Variants in PIEZO2 observed in about 807,000 individuals in gnomAD.
PIEZO2 encodes piezo-type mechanosensitive ion channel component 2.
A neutral mutation model predicts 337.3 loss-of-function variants in PIEZO2; 172 were observed. The observed-to-expected ratio is 0.51, with a 90% CI of 0.45 to 0.58. The LOEUF (loss-of-function observed/expected upper bound fraction) is 0.58. PIEZO2 is among the 20% of genes least tolerant of loss of function. The pLI is 0.00. For missense variants in PIEZO2, 3,028 were observed against 3,391.3 expected, an observed-to-expected ratio of 0.89 and a Z score of 2.66; for synonymous variants, 1,251 against 1,228.5, an observed-to-expected ratio of 1.02 and a Z score of -0.38.
In PIEZO2 at chr18:10,787,089, C is replaced by T; in HGVS notation, c.2265G>A (p.Gln755=). 2 of 1,535,320 alleles carry T rather than the reference C, an allele frequency of 1.3e-6. No homozygotes were observed. The highest frequency in any genetic ancestry group is 1.7e-4 in the Middle Eastern group (1 of 5,948). The part of the protein sequence containing the change: ...MLVLIFIYTY[Q]FENFPGLWQN... ...GCCACAGGCCTGGGAAGTTCTCAAA[C>T]TGATATGTGTATATAAAGATAAGCA... Residue 755 remains glutamine, a synonymous_variant, in exon 16 of 56, where the codon CAG becomes CAA. Transcript: ENST00000674853.
At chr18:10,758,646 A>T (rs1201091231) in intron 26 of PIEZO2, among the ~76,000 whole-genome samples, 1 of 152,186 alleles carries the variant, frequency 6.6e-6, no homozygotes, top group Non-Finnish European at 1.5e-5. Flanking sequence ...TAAGGAGGCC[A>T]CTTGAGCAAT....
chr18:10,896,724 C>G (rs1276760696), intron 4 of PIEZO2, among the ~76,000 whole-genome samples: 1 of 152,160 alleles, frequency 6.6e-6, no homozygotes, highest in African/African-American at 2.4e-5. Context: ...GAGTGACACC[C>G]TCTCAGGTCT....
chr18:10,745,530 G>A (rs979089891), intron 30 of PIEZO2, among the ~76,000 whole-genome samples: 4 of 152,046 alleles, frequency 2.6e-5, no homozygotes, highest in African/African-American at 7.2e-5. Context: ...CGATTTCAAT[G>A]TTCAGTTGTT....
chr18:11,000,356 C>T (rs2035486084), intron 2 of PIEZO2, among the ~76,000 whole-genome samples: 1 of 152,182 alleles, frequency 6.6e-6, no homozygotes, highest in Non-Finnish European at 1.5e-5. Flanking sequence ...CCTTTTCCCT[C>T]CCATTTGGAA....
intron 2 of PIEZO2, among the ~76,000 whole-genome samples, chr18:11,026,990 C>T (rs2036565312): frequency 1.3e-5 from 2 of 152,210 alleles, no homozygotes; most frequent in African/African-American, 2.4e-5. Flanking sequence ...TCTCCAAGCT[C>T]TGCACAGCAC....
rs543116492 is a variant in PIEZO2 at position 10,943,956 on chromosome 18, C to T, written c.287-32728G>A. Among the ~76,000 whole-genome samples the T allele has an allele frequency of 2.0e-4, 30 of 152,262 alleles. No homozygotes were observed. Among genetic ancestry groups the T allele is most frequent in the African/African-American group, 5.8e-4 (24 of 41,558 alleles). The stretch of plus-strand genomic sequence containing the variant: ...CTCTCTCTTTGCCTGCTGCCATCCA[C>T]GTATGATGTGACTTCCTCCTACTTG... On this transcript the variant is annotated intron_variant, in intron 3 of 55. Transcript: ENST00000674853. The surrounding 1 kb of genome is among the most constrained non-coding windows in gnomAD (Gnocchi z 4.5).
intron 7 of PIEZO2, among the ~76,000 whole-genome samples, chr18:10,840,400 G>A (rs566300338): frequency 4.9e-4 from 66 of 135,252 alleles, no homozygotes; most frequent in Admixed American, 1.2e-3. Flanking sequence ...CACATTAACC[G>A]TTCCAAATCC....
At position 10,952,747 on chromosome 18, in the gene PIEZO2, A is replaced by C. The variant is rs2033354570; in HGVS notation, c.286+26788T>G. Among the ~76,000 whole-genome samples, 1 of 152,226 alleles carries C rather than the reference A, an allele frequency of 6.6e-6. No homozygotes were observed. The highest frequency in any genetic ancestry group is 1.5e-5 in the Non-Finnish European group (1 of 68,042). ...GAATAGTAAGTATATGGTCAAATTT[A>C]TAATATGTTGGAAGATTATTTTTCA... On this transcript the variant is annotated intron_variant, in intron 3 of 55. Coordinates refer to ENST00000674853, the MANE Select transcript of PIEZO2 (RefSeq NM_001378183.1). The surrounding 1 kb of genome is among the most constrained non-coding windows in gnomAD (Gnocchi z 4.1).
At chr18:11,055,162 G>A (rs1177538761) in intron 2 of PIEZO2, among the ~76,000 whole-genome samples, 1 of 133,108 alleles carries the variant, frequency 7.5e-6, no homozygotes, top group Non-Finnish European at 1.5e-5. Context: ...AGTGAGCCGA[G>A]ATCGTGCCAC....
intron 2 of PIEZO2, among the ~76,000 whole-genome samples, chr18:11,046,684 T>TC (rs2037329492): frequency 6.6e-6 from 1 of 152,254 alleles, no homozygotes; most frequent in Non-Finnish European, 1.5e-5. Context: ...GGGCCTGGCC[T>TC]CTTTCTAACT....
At chr18:11,034,858 C>G (rs1440201499) in intron 2 of PIEZO2, among the ~76,000 whole-genome samples, 1 of 152,108 alleles carries the variant, frequency 6.6e-6, no homozygotes. Flanking sequence ...CAAAAACAAA[C>G]AAACAAACAA....
At chr18:10,786,427 C>T (rs542430659) in intron 16 of PIEZO2, among the ~76,000 whole-genome samples, 1 of 152,170 alleles carries the variant, frequency 6.6e-6, no homozygotes, top group Admixed American at 6.5e-5. Flanking sequence ...TTATCTTTCC[C>T]TTCTAAGGGA....
intron 3 of PIEZO2, among the ~76,000 whole-genome samples, chr18:10,971,595 C>T (rs1568253495): frequency 6.6e-6 from 1 of 152,052 alleles, no homozygotes; most frequent in African/African-American, 2.4e-5. Flanking sequence ...ATGATGCACT[C>T]GTAGGGGTGA....
intron 4 of PIEZO2, among the ~76,000 whole-genome samples, chr18:10,901,996 A>T (rs1011090034): frequency 5.3e-5 from 8 of 151,918 alleles, no homozygotes; most frequent in Non-Finnish European, 8.8e-5. Flanking sequence ...CCTCGTCCAT[A>T]GCCTGTTAAG....
At chr18:10,733,670 G>C (rs539253827) in intron 35 of PIEZO2, among the ~76,000 whole-genome samples, 1 of 152,166 alleles carries the variant, frequency 6.6e-6, no homozygotes, top group African/African-American at 2.4e-5. Context: ...GGATGGTCTC[G>C]ATCTCCTGAC....
chr18:10,800,531 CAG>C, intron 10 of PIEZO2, 56 bp from the exon 11 acceptor site: 1 of 1,469,592 alleles, frequency 6.8e-7, no homozygotes, highest in Non-Finnish European at 9.0e-7. Context: ...GTTTTCAATG[CAG>C]ACATACCCCC....
chr18:10,725,384 C>G (rs2036492199), intron 36 of PIEZO2: 7 of 1,605,970 alleles, frequency 4.4e-6, no homozygotes, highest in East Asian at 2.2e-5. Context: ...TGGTGGAGAA[C>G]AGCCGGCCCA....
rs951740541 is a variant in PIEZO2 at position 11,126,802 on chromosome 18, A to T, written c.64+21723T>A. Among the ~76,000 whole-genome samples, 21 of 151,588 alleles carry T rather than the reference A, an allele frequency of 1.4e-4. No homozygotes were observed. Among genetic ancestry groups the T allele is most frequent in the African/African-American group, 5.1e-4 (21 of 41,282 alleles). On this transcript the variant is annotated intron_variant, in intron 1 of 55. Transcript: ENST00000674853. The surrounding 1 kb of genome is among the most constrained non-coding windows in gnomAD (Gnocchi z 4.6). Reference sequence around the variant, plus strand: ...TTAAGTACATTACTATTTTTTTTTTAAAGCCCCAGTGACCCTATGAGGTAG... The same window carrying T: ...TTAAGTACATTACTATTTTTTTTTTTAAGCCCCAGTGACCCTATGAGGTAG...
intron 3 of PIEZO2, among the ~76,000 whole-genome samples, chr18:10,912,214 C>T (rs902990779): frequency 6.6e-6 from 1 of 152,098 alleles, no homozygotes; most frequent in African/African-American, 2.4e-5. Context: ...CCCTATGTCA[C>T]AGGCATATAA....
Sources: allele counts gnomAD v4.1 joint callset (sites outside exome capture counted in the v4.1 genomes callset), GRCh38; gene constraint gnomAD v4.1.1; non-coding constraint Gnocchi (gnomAD v3.1); transcripts MANE v1.5; gene names NCBI Gene and HGNC (gene_info 2026-07-23, HGNC 2026-07-21).